The following PIKFYVE variants were observed in gnomAD, a reference collection of about 807,000 sequenced individuals.
PIKFYVE encodes the protein 1-phosphatidylinositol 3-phosphate 5-kinase.
In PIKFYVE, 122 loss-of-function variants were observed where a neutral mutation model predicts 257.9. That is an observed-to-expected ratio of 0.47 (90% CI 0.41 to 0.55). PIKFYVE has a LOEUF of 0.55. Ranked by LOEUF, PIKFYVE falls within the 20% of genes least tolerant of loss-of-function variation. The pLI, the probability that PIKFYVE is intolerant of heterozygous loss-of-function variation, is 0.00. For synonymous variants in PIKFYVE, 892 were observed against 868.9 expected (o/e 1.03, Z -0.47); for missense variants, 2,160 against 2,536.6 (o/e 0.85, Z 3.19).
chr2:208,356,059 T>C lies in PIKFYVE; in HGVS notation c.*754T>C, dbSNP rs1319355699. The C allele has an allele frequency of 2.6e-5, 4 of 152,402 alleles. No individual in the cohort carries two copies. The highest frequency in any genetic ancestry group is 7.2e-5 in the African/African-American group (3 of 41,478). The allele number at this position is 152,402 out of a possible 1,614,324, so 9.4% of individuals were successfully genotyped here. ...TTAAATTGCACTTACTTGCATACGC[T>C]CATATTCTAGGGTTTTTTCTCTATT... On this transcript the variant is annotated 3_prime_UTR_variant, in exon 42 of 42. Transcript: ENST00000264380.
rs757113609 is a variant in PIKFYVE at position 208,347,957 on chromosome 2, A to C, written c.5308A>C (p.Ser1770Arg). 1 of 1,614,148 alleles carries C rather than the reference A, an allele frequency of 6.2e-7. No homozygotes were observed. The highest frequency in any genetic ancestry group is 1.1e-5 in the South Asian group (1 of 91,088). Reference sequence around the variant, plus strand: ...GAGAGAGACCTTACGTGGAGCAGATAGTGCTTACTACCAGGTTGGGCAGAC... The same window carrying C: ...GAGAGAGACCTTACGTGGAGCAGATCGTGCTTACTACCAGGTTGGGCAGAC... ...QKRETLRGAD[S>R]AYYQVGQTGK... Residue 1770 changes from serine (S) to arginine (R), a missense_variant, in exon 35 of 42, where the codon AGT (serine) becomes CGT (arginine). Physicochemically the swap from Ser to Arg is moderately radical, Grantham distance 110 (BLOSUM62 -1). This residue lies in a region of PIKFYVE where 699 missense variants were observed against 855.8 expected (regional missense o/e 0.82). Coordinates refer to ENST00000264380, the MANE Select transcript of PIKFYVE (RefSeq NM_015040.4).
chr2:208,296,978 A>T (rs1693069446), intron 7 of PIKFYVE, among the ~76,000 whole-genome samples: 1 of 152,134 alleles, frequency 6.6e-6, no homozygotes, highest in Non-Finnish European at 1.5e-5. Flanking sequence ...GAGTCAGGAG[A>T]TGGCTTTTTA....
At chr2:208,322,374 TAAAA>T (rs11471825) in intron 17 of PIKFYVE, among the ~76,000 whole-genome samples, 4 of 97,808 alleles carry the variant, frequency 4.1e-5, no homozygotes, top group Non-Finnish European at 5.7e-5. Flanking sequence ...CCCTGTCTCT[TAAAA>T]AAAAAAAAAA....
chr2:208,316,760 G>A (rs889132564), intron 15 of PIKFYVE, among the ~76,000 whole-genome samples: 3 of 152,190 alleles, frequency 2.0e-5, no homozygotes, highest in Non-Finnish European at 4.4e-5. Flanking sequence ...AACCAAAACA[G>A]CGTGGTACTG....
intron 34 of PIKFYVE, 99 bp from the exon 35 acceptor site, chr2:208,347,760 A>G (rs758155896): frequency 2.0e-6 from 2 of 1,000,978 alleles, no homozygotes; most frequent in East Asian, 2.6e-5. Context: ...GATTAGCTTC[A>G]TATAGTGGTT....
At chr2:208,351,834 T>C (rs886962085) in intron 38 of PIKFYVE, among the ~76,000 whole-genome samples, 11 of 152,144 alleles carry the variant, frequency 7.2e-5, no homozygotes, top group Non-Finnish European at 1.6e-4. Flanking sequence ...CACCAAGCCA[T>C]GTATGAGGGT....
At chr2:208,323,831 G>A (rs2125566649) in intron 17 of PIKFYVE, among the ~76,000 whole-genome samples, 1 of 152,254 alleles carries the variant, frequency 6.6e-6, no homozygotes, top group Non-Finnish European at 1.5e-5. Flanking sequence ...ATCTCATTGT[G>A]GTTTTGATTT....
At chr2:208,342,367 C>T (rs570323899) in intron 31 of PIKFYVE, among the ~76,000 whole-genome samples, 187 bp from the exon 32 acceptor site, 22 of 152,270 alleles carry the variant, frequency 1.4e-4, no homozygotes, top group African/African-American at 5.3e-4. Flanking sequence ...GTGACTATTG[C>T]AGAACTCTCT....
chr2:208,314,374 G>A lies in PIKFYVE; in HGVS notation c.1777G>A (p.Glu593Lys). The change falls in exon 14 of 42, where the codon GAG (glutamate) becomes AAG (lysine). Residue 593 changes from glutamate (E) to lysine (K), a missense_variant. Physicochemically the swap from Glu to Lys is moderately conservative, Grantham distance 56. Around this residue, in one of 12 missense-constraint regions of PIKFYVE, gnomAD observed 346 missense variants for 365.6 expected, o/e 0.95. Transcript: ENST00000264380. Reference sequence around the variant, plus strand: ...TTTGGGCTGGCATCATAACAACCTGGAGCTCCTGAGGGAGGAGAATGGGGA... The same window carrying A: ...TTTGGGCTGGCATCATAACAACCTGAAGCTCCTGAGGGAGGAGAATGGGGA... ...TPLGWHHNNL[E>K]LLREENGEKQ... 1 of 1,613,990 alleles carries A rather than the reference G, an allele frequency of 6.2e-7. No homozygotes were observed. The highest frequency in any genetic ancestry group is 8.5e-7 in the Non-Finnish European group (1 of 1,179,926).
At chr2:208,327,908 T>G (rs901594852) in intron 20 of PIKFYVE, among the ~76,000 whole-genome samples, 2 of 152,216 alleles carry the variant, frequency 1.3e-5, no homozygotes, top group Admixed American at 6.5e-5. Flanking sequence ...CCAAAATAAT[T>G]TAGTGCAGTT....
chr2:208,322,271 G>A (rs1278133935), intron 17 of PIKFYVE, among the ~76,000 whole-genome samples: 1 of 151,102 alleles, frequency 6.6e-6, no homozygotes, highest in African/African-American at 2.4e-5. Context: ...GTCCTAGAAG[G>A]GTGAAGCAGG....
intron 24 of PIKFYVE, among the ~76,000 whole-genome samples, chr2:208,335,012 A>G (rs1397657798): frequency 6.6e-6 from 1 of 152,188 alleles, no homozygotes; most frequent in Non-Finnish European, 1.5e-5. Context: ...TAGTTTCCTT[A>G]TTAATAGGGA....
chr2:208,299,724 AT>A (rs1385596730), intron 8 of PIKFYVE, among the ~76,000 whole-genome samples: 3 of 152,238 alleles, frequency 2.0e-5, no homozygotes, highest in Non-Finnish European at 4.4e-5. Context: ...CTTTTCAGAC[AT>A]TTAATACTAT....
chr2:208,266,298 A>T lies in PIKFYVE; in HGVS notation c.-127A>T, dbSNP rs1043446706. The T allele has an allele frequency of 1.3e-5, 2 of 152,252 alleles. No homozygotes were observed. Among genetic ancestry groups the T allele is most frequent in the East Asian group, 1.9e-4 (1 of 5,158 alleles). The allele number at this position is 152,252 out of a possible 1,614,324, so 9.4% of individuals were successfully genotyped here. On this transcript the variant is annotated 5_prime_UTR_variant, in exon 1 of 42. Coordinates refer to ENST00000264380, the MANE Select transcript of PIKFYVE (RefSeq NM_015040.4). ...TGTAAGCAGCTTCGCTTCCTGCCGC[A>T]ACCGTCCGCGGCCTGAGGAGCCCAC...
Position 208,354,114 on chromosome 2 carries a change from G to A in PIKFYVE, c.6061G>A (p.Val2021Ile). The A allele has an allele frequency of 6.2e-7, 1 of 1,613,828 alleles. No individual in the cohort carries two copies. Among genetic ancestry groups the A allele is most frequent in the Non-Finnish European group, 8.5e-7 (1 of 1,179,884 alleles). The change falls in exon 40 of 42, where the codon GTT becomes ATT. Residue 2021 changes from valine (V) to isoleucine (I), a missense_variant. Val to Ile is a conservative substitution (Grantham distance 29). Transcript: ENST00000264380. ...SHLIIDYSLL[V>I]GRDDTSNELV... is the part of the protein sequence containing the mutation. ...CCTCATTATAGATTATTCTTTGCTG[G>A]TTGGGCGAGATGATACTAGCAATGA...
chr2:208,271,451 G>C, intron 1 of PIKFYVE, 60 bp from the exon 2 acceptor site: 1 of 1,501,940 alleles, frequency 6.7e-7, no homozygotes, highest in Non-Finnish European at 9.3e-7. Flanking sequence ...ATGCTGTTTG[G>C]AATCAACTTT....
intron 5 of PIKFYVE, 65 bp downstream of exon 5, chr2:208,277,773 A>G: frequency 6.5e-7 from 1 of 1,548,526 alleles, no homozygotes; most frequent in Non-Finnish European, 8.9e-7. Context: ...CTTATAATAC[A>G]GGATAGTGTT....
At chr2:208,336,764 A>G (rs1365668367) in intron 27 of PIKFYVE, 74 bp from the exon 28 acceptor site, 3 of 960,302 alleles carry the variant, frequency 3.1e-6, no homozygotes, top group Non-Finnish European at 4.9e-6. Flanking sequence ...AGTTGTAAAG[A>G]GAAAATTTAT....
intron 7 of PIKFYVE, among the ~76,000 whole-genome samples, chr2:208,290,541 C>T (rs182423966): frequency 2.8e-3 from 432 of 152,274 alleles, no homozygotes; most frequent in Middle Eastern, 0.014. Flanking sequence ...TTGATTGCTT[C>T]TAAGTTTTAT....
Sources: gnomAD v4.1 joint callset for allele counts (sites outside exome capture counted in the v4.1 genomes callset) on GRCh38, gnomAD v4.1.1 for gene constraint, gnomAD v4.1.1 regional missense constraint, MANE v1.5 for transcripts, NCBI Gene and HGNC (gene_info 2026-07-23, HGNC 2026-07-21) for gene names.